SLC18A1: variants seen among roughly 807,000 people sequenced by gnomAD.
SLC18A1 encodes solute carrier family 18 member A1, also known as chromaffin granule amine transporter.
SLC18A1 carries 69 observed loss-of-function variants against 53.7 expected under a neutral mutation model. The observed-to-expected ratio is 1.28, with a 90% CI of 1.06 to 1.57. The LOEUF is 1.57. Among genes scored for constraint, SLC18A1 ranks in the 40% most tolerant of loss-of-function variants. The pLI is 0.00. For synonymous variants in SLC18A1, 320 were observed against 248.1 expected, an observed-to-expected ratio of 1.29 and a Z score of -2.72; for missense variants, 932 against 668.1, an observed-to-expected ratio of 1.40 and a Z score of -4.35.
chr8:20,174,959 T>G (rs1395130836), intron 4 of SLC18A1, among the ~76,000 whole-genome samples: 1 of 152,248 alleles, frequency 6.6e-6, no homozygotes, highest in African/African-American at 2.4e-5. Flanking sequence ...TTTTTATATC[T>G]TATATTGAAC....
intron 11 of SLC18A1, among the ~76,000 whole-genome samples, chr8:20,150,073 A>C (rs1410855312): frequency 6.6e-6 from 1 of 152,170 alleles, no homozygotes; most frequent in Non-Finnish European, 1.5e-5. Flanking sequence ...ACTGCCTCCT[A>C]CCTGTCCTAT....
chr8:20,158,306 G>A (rs1167428010), intron 10 of SLC18A1, among the ~76,000 whole-genome samples: 1 of 152,290 alleles, frequency 6.6e-6, no homozygotes, highest in African/African-American at 2.4e-5. Flanking sequence ...TGTGACTGGA[G>A]AACTTTGCTC....
In SLC18A1 at chr8:20,181,083, A is replaced by G; in HGVS notation, c.-119T>C. 7.9e-7 allele frequency: 1 copy of G among 1,260,036 alleles called. No homozygotes were observed. Among genetic ancestry groups the G allele is most frequent in the East Asian group, 2.6e-5 (1 of 38,254 alleles). The allele number at this position is 1,260,036 out of a possible 1,614,324, so 78.1% of individuals were successfully genotyped here. On this transcript the variant is annotated 5_prime_UTR_variant, in exon 2 of 16. Coordinates refer to ENST00000276373, the MANE Select transcript of SLC18A1 (RefSeq NM_003053.4). ...GAGGGAGTCTGCCCAGACGAAGGAA[A>G]CTCACTATTAAAACGAAAAGTGCAA... is the stretch of plus-strand genomic sequence containing the variant.
Position 20,147,338 on chromosome 8 carries a change from C to A in SLC18A1, c.1384G>T (p.Val462Phe). 2 of 1,613,484 alleles carry A rather than the reference C, an allele frequency of 1.2e-6. No homozygotes were observed. The highest frequency in any genetic ancestry group is 1.7e-6 in the Non-Finnish European group (2 of 1,179,904). The change falls in exon 15 of 16, where the codon GTC becomes TTC. Residue 462 changes from valine to phenylalanine, a missense_variant. Coordinates refer to ENST00000276373, the MANE Select transcript of SLC18A1 (RefSeq NM_003053.4). ...ACGATGTTGATGACCCCAGTGATGA[C>A]CATGAGCCAGGGAAAACCGATGGCC... Reference protein sequence around the residue: ...VKAIGFPWLMVITGVINIVYA... With the variant: ...VKAIGFPWLMFITGVINIVYA...
intron 11 of SLC18A1, 152 bp from the exon 12 acceptor site, chr8:20,149,879 C>A (rs1223331246): frequency 4.5e-6 from 3 of 669,002 alleles, no homozygotes; most frequent in Non-Finnish European, 8.1e-6. Context: ...AGTTTGTACC[C>A]AAATGAGCTC....
At chr8:20,180,433 C>G (rs545061222) in intron 2 of SLC18A1, among the ~76,000 whole-genome samples, 1 of 152,254 alleles carries the variant, frequency 6.6e-6, no homozygotes, top group East Asian at 1.9e-4. Context: ...GATACTAAAT[C>G]AGATATCCAA....
chr8:20,171,697 TGTGTGTGC>T (rs982899780), intron 6 of SLC18A1, among the ~76,000 whole-genome samples: 5 of 150,220 alleles, frequency 3.3e-5, no homozygotes, highest in African/African-American at 1.0e-4. Flanking sequence ...TGTGTGTGTG[TGTGTGTGC>T]GCGCGCGTGT....
chr8:20,163,277 C>G (rs941365674), intron 10 of SLC18A1, among the ~76,000 whole-genome samples: 1 of 152,128 alleles, frequency 6.6e-6, no homozygotes, highest in African/African-American at 2.4e-5. Context: ...TGAGGGTGCT[C>G]CCATGATCTC....
chr8:20,171,108 G>A lies in SLC18A1; in HGVS notation c.853C>T (p.Pro285Ser). 1 of 1,614,134 alleles carries A rather than the reference G, an allele frequency of 6.2e-7. No individual in the cohort carries two copies. The highest frequency in any genetic ancestry group is 1.3e-5 in the African/African-American group (1 of 75,036). Residue 285 changes from proline (P) to serine (S), a missense_variant, in exon 8 of 16, where the codon CCT (proline) becomes TCT (serine). By Grantham distance (74) the Pro-to-Ser change is moderately conservative (BLOSUM62 -1). Coordinates refer to ENST00000276373, the MANE Select transcript of SLC18A1 (RefSeq NM_003053.4). ...GGAGCTTTGTGTCTGCTTACCTCAGGAGAGACTTTGGAAGGCTGTAGGATG... is the reference window on the plus strand; with the variant it reads ...GGAGCTTTGTGTCTGCTTACCTCAGAAGAGACTTTGGAAGGCTGTAGGATG... Reference protein sequence around the residue: ...LCILQPSKVSPESAKGTPLFM... With the variant: ...LCILQPSKVSSESAKGTPLFM...
Position 20,169,756 on chromosome 8 carries a change from G to A in SLC18A1, c.858+1347C>T, listed in dbSNP as rs147547579. Among the ~76,000 whole-genome samples the A allele has an allele frequency of 5.1e-3, 781 of 152,168 alleles. 9 individuals are homozygous for A. The highest frequency in any genetic ancestry group is 0.018 in the African/African-American group (733 of 41,502). Reference sequence around the variant, plus strand: ...TAGCTGGGCATGGTGGTGCGTGCTTGTAATCCCAGCTACTTGGGAGGCTGA... The same window carrying A: ...TAGCTGGGCATGGTGGTGCGTGCTTATAATCCCAGCTACTTGGGAGGCTGA... On this transcript the variant is annotated intron_variant, in intron 8 of 15. Coordinates refer to ENST00000276373, the MANE Select transcript of SLC18A1 (RefSeq NM_003053.4).
At chr8:20,167,954 A>G (rs1330863959) in intron 8 of SLC18A1, among the ~76,000 whole-genome samples, 2 of 152,010 alleles carry the variant, frequency 1.3e-5, no homozygotes, top group Non-Finnish European at 2.9e-5. Flanking sequence ...ATTCCCTACT[A>G]ACAAGAACCT....
intron 1 of SLC18A1, among the ~76,000 whole-genome samples, chr8:20,182,104 T>C (rs1371992177): frequency 6.6e-6 from 1 of 152,228 alleles, no homozygotes; most frequent in Non-Finnish European, 1.5e-5. Context: ...TCTGTTGTGG[T>C]ATCAACAATA....
chr8:20,180,918 C>G lies in SLC18A1; in HGVS notation c.47G>C (p.Gly16Ala), dbSNP rs778751156. ...CAGCACCAGCTGCCGGGACGCTCTCCCCTCCTTCAGCAACCGCTGGGGAGC... is the reference window on the plus strand; with the variant it reads ...CAGCACCAGCTGCCGGGACGCTCTCGCCTCCTTCAGCAACCGCTGGGGAGC... ...LDAPQRLLKEGRASRQLVLVV... is the reference protein window; with the variant it reads ...LDAPQRLLKEARASRQLVLVV... The change falls in exon 2 of 16, where the codon GGG becomes GCG. Residue 16 changes from glycine (G) to alanine (A), a missense_variant. Physicochemically the swap from Gly to Ala is moderately conservative, Grantham distance 60 (BLOSUM62 0). Coordinates refer to ENST00000276373, the MANE Select transcript of SLC18A1 (RefSeq NM_003053.4). 14 of 1,609,460 alleles carry G rather than the reference C, an allele frequency of 8.7e-6. No homozygotes were observed. The highest frequency in any genetic ancestry group is 1.1e-5 in the Non-Finnish European group (13 of 1,177,836).
chr8:20,155,588 G>A (rs998751160), intron 10 of SLC18A1, among the ~76,000 whole-genome samples: 11 of 152,120 alleles, frequency 7.2e-5, no homozygotes, highest in African/African-American at 2.7e-4. Context: ...TTGCCCATGT[G>A]TGCACCCCTA....
At chr8:20,148,716 C>T (rs896732942) in intron 12 of SLC18A1, among the ~76,000 whole-genome samples, 3 of 152,146 alleles carry the variant, frequency 2.0e-5, no homozygotes, top group Non-Finnish European at 4.4e-5. Context: ...GCCATTCAAA[C>T]CTGCTACCCC....
intron 5 of SLC18A1, among the ~76,000 whole-genome samples, chr8:20,173,492 C>G (rs2072178539): frequency 6.6e-6 from 1 of 152,136 alleles, no homozygotes; most frequent in South Asian, 2.1e-4. Flanking sequence ...ACACAGAGAC[C>G]ATTCTATTTA....
chr8:20,154,739 C>T (rs1408333363), intron 10 of SLC18A1, among the ~76,000 whole-genome samples: 1 of 152,202 alleles, frequency 6.6e-6, no homozygotes, highest in Non-Finnish European at 1.5e-5. Flanking sequence ...CTGAGGGCAA[C>T]CCCCTTTGGG....
At chr8:20,146,566 T>C (rs1250435035) in intron 15 of SLC18A1, among the ~76,000 whole-genome samples, 1 of 152,160 alleles carries the variant, frequency 6.6e-6, no homozygotes, top group African/African-American at 2.4e-5. Flanking sequence ...AGTGCTTTAT[T>C]AAAGAAAATC....
In SLC18A1 at chr8:20,147,695, A is replaced by G; in HGVS notation, c.1238T>C (p.Ile413Thr). ...IGMVDSSMMP[I>T]MGHLVDLRHT... ...GCGTAGATCCACCAGGTGCCCCATG[A>G]TGGGCATCATAGAAGAATCCACCAT... The change falls in exon 14 of 16, where the codon ATC becomes ACC. Residue 413 changes from isoleucine (I) to threonine (T), a missense_variant. Physicochemically the swap from Ile to Thr is moderately conservative, Grantham distance 89. Transcript: ENST00000276373. The G allele has an allele frequency of 1.2e-6, 2 of 1,613,720 alleles. No individual in the cohort carries two copies. The highest frequency in any genetic ancestry group is 8.5e-7 in the Non-Finnish European group (1 of 1,179,896).
Sources: allele counts gnomAD v4.1 joint callset (sites outside exome capture counted in the v4.1 genomes callset), GRCh38; gene constraint gnomAD v4.1.1; transcripts MANE v1.5; gene names NCBI Gene and HGNC (gene_info 2026-07-23, HGNC 2026-07-21).